The following SCFD2 variants were observed in gnomAD, a reference collection of about 807,000 sequenced individuals.
SCFD2 encodes the protein sec1 family domain-containing protein 2.
Under a neutral mutation model 58.9 loss-of-function variants are expected in SCFD2, and 54 were observed. The observed-to-expected ratio is 0.92, with a 90% confidence interval of 0.74 to 1.15. The LOEUF (loss-of-function observed/expected upper bound fraction) is 1.15. SCFD2 is among the 50% of genes most tolerant of loss of function. The pLI is 0.00. For synonymous variants in SCFD2, 321 were observed against 335.9 expected, an observed-to-expected ratio of 0.96 and a Z score of 0.49; for missense variants, 805 against 836.6, an observed-to-expected ratio of 0.96 and a Z score of 0.47.
intron 2 of SCFD2, among the ~76,000 whole-genome samples, chr4:53,338,265 G>A (rs548086966): frequency 6.6e-6 from 1 of 152,254 alleles, no homozygotes; most frequent in Non-Finnish European, 1.5e-5. Flanking sequence ...CCCATCACTG[G>A]CATCCCAGAA....
At position 52,906,646 on chromosome 4, in the gene SCFD2, C is replaced by T. The variant is rs73814899; in HGVS notation, c.1842+811G>A. On this transcript the variant is annotated intron_variant, in intron 7 of 8. Transcript: ENST00000401642. ...CTTGGTTTAGAGTCTGATTGTCTGG[C>T]GTCTGTCCTCTGGGTTTTGGAGTGG... Among the ~76,000 whole-genome samples, 6 of 152,278 alleles carry T rather than the reference C, an allele frequency of 3.9e-5. No individual in the cohort carries two copies. In the East Asian group the frequency reaches 5.8e-4, roughly 15 times the overall value.
intron 4 of SCFD2, among the ~76,000 whole-genome samples, chr4:53,241,554 C>T (rs2149026077): frequency 6.6e-6 from 1 of 152,298 alleles, no homozygotes; most frequent in South Asian, 2.1e-4. Flanking sequence ...TAGAGCAGCC[C>T]CATTGATATA....
At chr4:53,044,827 TG>T (rs1722988838) in intron 5 of SCFD2, among the ~76,000 whole-genome samples, 1 of 138,170 alleles carries the variant, frequency 7.2e-6, no homozygotes, top group African/African-American at 3.3e-5. Flanking sequence ...AGAGTATTTC[TG>T]TTTTTTTTTT....
intron 6 of SCFD2, among the ~76,000 whole-genome samples, chr4:52,918,584 AGT>A (rs1719661762): frequency 1.3e-5 from 2 of 152,222 alleles, no homozygotes; most frequent in African/African-American, 4.8e-5. Context: ...GCAAGAAATC[AGT>A]GTTTCTCCTT....
rs1249078207 is a variant in SCFD2 at position 53,146,804 on chromosome 4, C to T, written c.1312-1222G>A. 3.3e-5 allele frequency among the ~76,000 whole-genome samples: 5 copies of T among 152,126 alleles called. 1 individual carries two copies. In the East Asian group the frequency reaches 5.8e-4, roughly 18 times the overall value. ...AGTATAGTATATTATTATAACTGTT[C>T]TAATTTTTATTAGTTATTGTTAATC... On this transcript the variant is annotated intron_variant, in intron 4 of 8. Transcript: ENST00000401642.
chr4:52,948,692 C>T (rs914672588), intron 5 of SCFD2: 6 of 359,324 alleles, frequency 1.7e-5, no homozygotes, highest in Non-Finnish European at 3.4e-5. Context: ...GAGGATGCAG[C>T]CATCAGCATA....
At chr4:53,174,682 C>A (rs1302373766) in intron 4 of SCFD2, among the ~76,000 whole-genome samples, 1 of 152,144 alleles carries the variant, frequency 6.6e-6, no homozygotes, top group Admixed American at 6.6e-5. Flanking sequence ...AAGAGACTTA[C>A]ATTAATGAAA....
chr4:53,042,917 C>T (rs771182044), intron 5 of SCFD2, among the ~76,000 whole-genome samples: 1 of 151,914 alleles, frequency 6.6e-6, no homozygotes, highest in African/African-American at 2.4e-5. Flanking sequence ...TCTTCACAGC[C>T]GGAGGTATTA....
intron 5 of SCFD2, among the ~76,000 whole-genome samples, chr4:53,119,420 G>A (rs1385284602): frequency 6.6e-6 from 1 of 152,110 alleles, no homozygotes; most frequent in Non-Finnish European, 1.5e-5. Context: ...GGCAGTGGCT[G>A]CAGTGAGCTG....
At chr4:53,237,510 G>A (rs1729674001) in intron 4 of SCFD2, among the ~76,000 whole-genome samples, 2 of 20,950 alleles carry the variant, frequency 9.5e-5, no homozygotes, top group Admixed American at 8.7e-4. Flanking sequence ...CGGCTGGCCG[G>A]GCGGGGGGCT....
At chr4:52,905,769 T>C (rs1389594442) in intron 7 of SCFD2, among the ~76,000 whole-genome samples, 1 of 152,064 alleles carries the variant, frequency 6.6e-6, no homozygotes, top group Admixed American at 6.6e-5. Flanking sequence ...TAGAAAACAC[T>C]CTGCAGAATT....
intron 7 of SCFD2, among the ~76,000 whole-genome samples, chr4:52,903,213 T>C (rs1719265503): frequency 6.6e-6 from 1 of 152,202 alleles, no homozygotes; most frequent in Non-Finnish European, 1.5e-5. Context: ...GAGCATCAGA[T>C]TTCTTTGACA....
At position 53,242,469 on chromosome 4, in the gene SCFD2, G is replaced by GAA. The variant is rs58962140; in HGVS notation, c.1311+31355_1311+31356dup. Among the ~76,000 whole-genome samples the GAA allele has an allele frequency of 2.9e-3, 443 of 151,750 alleles. 1 individual carries two copies. Among genetic ancestry groups the GAA allele is most frequent in the African/African-American group, 0.01 (420 of 41,366 alleles). ...AAGGTCACCAAATAGGATAAAAGAG[G>GAA]AAAAAAAATCCAAAGGACAGCAACT... On this transcript the variant is annotated intron_variant, in intron 4 of 8. Coordinates refer to ENST00000401642, the MANE Select transcript of SCFD2 (RefSeq NM_152540.4).
intron 4 of SCFD2, among the ~76,000 whole-genome samples, chr4:53,165,292 T>C (rs1726972454): frequency 6.6e-6 from 1 of 152,210 alleles, no homozygotes; most frequent in Non-Finnish European, 1.5e-5. Context: ...TCTCTTCAAC[T>C]GTATACTTGC....
intron 4 of SCFD2, among the ~76,000 whole-genome samples, chr4:53,246,029 C>T (rs1264514067): frequency 6.6e-6 from 1 of 152,074 alleles, no homozygotes; most frequent in Non-Finnish European, 1.5e-5. Context: ...ACAAAAATCA[C>T]TATCATTCCT....
chr4:53,218,060 C>G (rs916737202), intron 4 of SCFD2, among the ~76,000 whole-genome samples: 1 of 152,218 alleles, frequency 6.6e-6, no homozygotes, highest in Non-Finnish European at 1.5e-5. Flanking sequence ...ACCTTTCTCT[C>G]TGGCTGCCCT....
chr4:53,066,548 C>T (rs1232835027), intron 5 of SCFD2, among the ~76,000 whole-genome samples: 1 of 152,114 alleles, frequency 6.6e-6, no homozygotes, highest in Admixed American at 6.6e-5. Context: ...TATTATAGGT[C>T]CAGCAGAACA....
At chr4:53,295,036 C>CTATAGCCCTGTAGTATAGTTTGAA in intron 3 of SCFD2, among the ~76,000 whole-genome samples, 1 of 152,314 alleles carries the variant, frequency 6.6e-6, no homozygotes, top group South Asian at 2.1e-4. Flanking sequence ...GTTTTGGTTA[C>CTATAGCCCTGTAGTATAGTTTGAA]TATAGCCCTG....
At chr4:53,361,369 A>G (rs1194908626) in intron 1 of SCFD2, among the ~76,000 whole-genome samples, 1 of 152,224 alleles carries the variant, frequency 6.6e-6, no homozygotes, top group Admixed American at 6.5e-5. Flanking sequence ...GTTGAGATCA[A>G]ATAAGGTAAT....
Sources: allele counts gnomAD v4.1 joint callset (sites outside exome capture counted in the v4.1 genomes callset), GRCh38; gene constraint gnomAD v4.1.1; transcripts MANE v1.5; gene names NCBI Gene and HGNC (gene_info 2026-07-23, HGNC 2026-07-21).